SCYL2: variants seen among roughly 807,000 people sequenced by gnomAD.
SCYL2 encodes SCY1-like protein 2.
In SCYL2, 36 loss-of-function variants were observed where a neutral mutation model predicts 100.4. The ratio of observed to expected loss-of-function variants is 0.36; its 90% CI spans 0.27 to 0.47. The LOEUF (loss-of-function observed/expected upper bound fraction) is 0.47, where lower values mean the gene tolerates loss of function less well. SCYL2 is among the 20% of genes least tolerant of loss of function. The probability of loss-of-function intolerance (pLI) is 1.00; values close to 1 mark genes in which losing one functional copy is unlikely to be tolerated. For missense variants in SCYL2, 902 were observed against 1,083.9 expected (o/e 0.83, Z 2.36); for synonymous variants, 330 against 359.2 (o/e 0.92, Z 0.92).
chr12:100,269,975 T>A (rs2096285702), intron 1 of SCYL2, among the ~76,000 whole-genome samples: 1 of 152,024 alleles, frequency 6.6e-6, no homozygotes, highest in South Asian at 2.1e-4. Flanking sequence ...ACATTGTATT[T>A]GAGATTTTAT....
intron 10 of SCYL2, among the ~76,000 whole-genome samples, chr12:100,318,183 TTTTA>T (rs2096351330): frequency 1.3e-5 from 2 of 152,236 alleles, no homozygotes; most frequent in Admixed American, 6.5e-5. Flanking sequence ...GATTTGTTGC[TTTTA>T]TTTATCAGAA....
At chr12:100,313,594 G>C in intron 7 of SCYL2, 56 bp downstream of exon 7, 1 of 935,524 alleles carries the variant, frequency 1.1e-6, no homozygotes, top group Non-Finnish European at 1.7e-6. Flanking sequence ...AGTTGAAGTA[G>C]ATTAAGTTTT....
intron 10 of SCYL2, among the ~76,000 whole-genome samples, chr12:100,320,891 G>A (rs936549702): frequency 6.6e-6 from 1 of 152,096 alleles, no homozygotes; most frequent in African/African-American, 2.4e-5. Context: ...TCTCCCATCT[G>A]TGGTCCTTAA....
In SCYL2 at chr12:100,335,633, A is replaced by C; in HGVS notation, c.1871A>C (p.Asp624Ala). The C allele has an allele frequency of 6.2e-7, 1 of 1,600,844 alleles. No individual in the cohort carries two copies. Among genetic ancestry groups the C allele is most frequent in the Non-Finnish European group, 8.5e-7 (1 of 1,170,044 alleles). Residue 624 changes from aspartate to alanine, a missense_variant, in exon 15 of 18, where the codon GAT becomes GCT. Transcript: ENST00000360820. ...HIMQEQQKSLDIGNQMNVSEE... is the reference protein window; with the variant it reads ...HIMQEQQKSLAIGNQMNVSEE... ...ATTCAACTCTCCTACAGATCTTTGG[A>C]TATAGGAAATCAAATGAATGTTTCT... is the stretch of plus-strand genomic sequence containing the variant.
At chr12:100,325,430 G>A (rs1228454353) in intron 11 of SCYL2, among the ~76,000 whole-genome samples, 1 of 152,158 alleles carries the variant, frequency 6.6e-6, no homozygotes, top group Non-Finnish European at 1.5e-5. Flanking sequence ...ACTAGGAATG[G>A]ATTTACATTT....
rs760934615 is a variant in SCYL2, at chr12:100,334,122, C to T, written c.1762-44C>T. On this transcript the variant is annotated intron_variant, in intron 13 of 17. Transcript: ENST00000360820. ...TTATCTTAATTGATTACATTTGCTG[C>T]TAACTTGAAACATTGTAACCATATC... The T allele has an allele frequency of 3.6e-6, 4 of 1,109,908 alleles. No individual in the cohort carries two copies. In the South Asian group the frequency reaches 5.1e-5, roughly 14 times the overall value. 68.8% of individuals were successfully genotyped at this position (1,109,908 alleles called of 1,614,324 possible).
At chr12:100,330,083 T>C (rs149806032) in intron 13 of SCYL2, among the ~76,000 whole-genome samples, 49 of 152,258 alleles carry the variant, frequency 3.2e-4, no homozygotes, top group African/African-American at 1.2e-3. Flanking sequence ...CACTCAAAGA[T>C]AGGGGATTCC....
intron 4 of SCYL2, among the ~76,000 whole-genome samples, chr12:100,305,990 A>G (rs2096333901): frequency 6.6e-6 from 1 of 152,132 alleles, no homozygotes; most frequent in Admixed American, 6.5e-5. Context: ...CCAATAACAA[A>G]TTCTGAAATT....
chr12:100,273,884 A>G (rs1448137395), intron 1 of SCYL2, among the ~76,000 whole-genome samples: 2 of 152,220 alleles, frequency 1.3e-5, no homozygotes, highest in Non-Finnish European at 2.9e-5. Flanking sequence ...CTCAGTGTAT[A>G]ACAAGATGCA....
At chr12:100,295,750 C>T (rs1036844036) in intron 3 of SCYL2, among the ~76,000 whole-genome samples, 11 of 149,320 alleles carry the variant, frequency 7.4e-5, no homozygotes, top group African/African-American at 2.0e-4. Context: ...CATGGGGAGA[C>T]GGGGGAGACC....
rs1952180909 is a variant in SCYL2, at chr12:100,329,423, G to A, written c.1761+104G>A. On this transcript the variant is annotated intron_variant, in intron 13 of 17. Coordinates refer to ENST00000360820, the MANE Select transcript of SCYL2 (RefSeq NM_017988.6). ...GATTGGTTAAAAAAAAAAGGGTGAG[G>A]GGAGAATATGCCACAGAACTAAATG... is the stretch of plus-strand genomic sequence containing the variant. The A allele has an allele frequency of 3.4e-5, 20 of 591,194 alleles. No homozygotes were observed. In the South Asian group the frequency reaches 4.5e-4, roughly 13 times the overall value. 36.6% of individuals were successfully genotyped at this position (591,194 alleles called of 1,614,324 possible). A position where few individuals can be genotyped will look rare whatever the true frequency, so the allele number is the denominator to read the frequency against.
At chr12:100,294,783 GC>G (rs1285324476) in intron 3 of SCYL2, among the ~76,000 whole-genome samples, 2 of 144,116 alleles carry the variant, frequency 1.4e-5, no homozygotes, top group Non-Finnish European at 1.5e-5. Context: ...GGGGCGGCTG[GC>G]CGGGCGGGGG....
intron 3 of SCYL2, chr12:100,296,743 GT>G (rs748259412): frequency 5.1e-4 from 74 of 145,772 alleles, no homozygotes; most frequent in Admixed American, 4.8e-4. Context: ...CTATAAGACA[GT>G]TTTTTTTTTT....
chr12:100,316,777 C>T (rs984249372), intron 9 of SCYL2, among the ~76,000 whole-genome samples: 76 of 152,310 alleles, frequency 5.0e-4, no homozygotes, highest in Admixed American at 5.0e-3. Flanking sequence ...TTATTTGCCT[C>T]CATTCTTTTT....
At chr12:100,320,701 T>C (rs2096354800) in intron 10 of SCYL2, among the ~76,000 whole-genome samples, 1 of 152,176 alleles carries the variant, frequency 6.6e-6, no homozygotes, top group Non-Finnish European at 1.5e-5. Context: ...GCTATGACTT[T>C]GATTGGACAG....
At chr12:100,305,263 G>A (rs1032090531) in intron 4 of SCYL2, among the ~76,000 whole-genome samples, 9 of 152,046 alleles carry the variant, frequency 5.9e-5, no homozygotes, top group East Asian at 3.9e-4. Context: ...AGTAAAACAC[G>A]CCTCAGCAAA....
rs1952177060 is a variant in SCYL2 at position 100,329,231 on chromosome 12, A to C, written c.1673A>C (p.Lys558Thr). The C allele has an allele frequency of 1.2e-6, 2 of 1,603,032 alleles. No homozygotes were observed. Among genetic ancestry groups the C allele is most frequent in the Non-Finnish European group, 1.7e-6 (2 of 1,170,278 alleles). ...TACAAATGTACTTTTACTCATAAGA[A>C]GTTGGGAATCACCAAAGAGCAGCTG... ...GIYKCTFTHK[K>T]LGITKEQLAG... Residue 558 changes from lysine to threonine, a missense_variant, in exon 13 of 18, where the codon AAG (lysine) becomes ACG (threonine). By Grantham distance (78) the Lys-to-Thr change is moderately conservative. Coordinates refer to ENST00000360820, the MANE Select transcript of SCYL2 (RefSeq NM_017988.6).
intron 12 of SCYL2, among the ~76,000 whole-genome samples, chr12:100,328,421 G>A (rs751191003): frequency 2.0e-5 from 3 of 152,178 alleles, no homozygotes; most frequent in Non-Finnish European, 2.9e-5. Flanking sequence ...TAGGATTCTT[G>A]TGAGACTTCA....
chr12:100,338,516 C>A lies in SCYL2; in HGVS notation c.2146-12C>A. Reference sequence around the variant, plus strand: ...TTTCTTAGAGATAAAGTAATTCTCTCATATTTTTCAGACTAAGGACTTGAC... The same window carrying A: ...TTTCTTAGAGATAAAGTAATTCTCTAATATTTTTCAGACTAAGGACTTGAC... On this transcript the variant is annotated splice_polypyrimidine_tract_variant and intron_variant, in intron 17 of 17. Coordinates refer to ENST00000360820, the MANE Select transcript of SCYL2 (RefSeq NM_017988.6). 1 of 1,550,612 alleles carries A rather than the reference C, an allele frequency of 6.4e-7. No homozygotes were observed. The highest frequency in any genetic ancestry group is 8.7e-7 in the Non-Finnish European group (1 of 1,146,876).
Sources: gnomAD v4.1 joint callset for allele counts (sites outside exome capture counted in the v4.1 genomes callset) on GRCh38, gnomAD v4.1.1 for gene constraint, MANE v1.5 for transcripts, NCBI Gene and HGNC (gene_info 2026-07-23, HGNC 2026-07-21) for gene names.